Variants in P2RY12 observed in about 807,000 individuals in gnomAD.
P2RY12 encodes P2Y purinoceptor 12.
P2RY12 carries 3 observed loss-of-function variants against 4.5 expected under a neutral mutation model. The observed-to-expected ratio is 0.67, with a 90% CI of 0.31 to 1.74. The LOEUF (loss-of-function observed/expected upper bound fraction) is 1.74. Ranked by LOEUF, P2RY12 falls within the 40% of genes most tolerant of loss-of-function variation. P2RY12 has a pLI of 0.09. For missense variants in P2RY12, 356 were observed against 407.8 expected (o/e 0.87, Z 1.09); for synonymous variants, 148 against 154.1 (o/e 0.96, Z 0.29).
rs183897094 is a variant in P2RY12 at position 151,377,603 on chromosome 3, A to G, written c.-180+7089T>C. On this transcript the variant is annotated intron_variant, in intron 1 of 2. Transcript: ENST00000302632. ...ATCATGAAAGGCTGATTTGTATTTCATCATTTTGGTATAAAGTATAACTAG... is the reference window on the plus strand; with the variant it reads ...ATCATGAAAGGCTGATTTGTATTTCGTCATTTTGGTATAAAGTATAACTAG... Among the ~76,000 whole-genome samples the G allele has an allele frequency of 2.0e-3, 304 of 152,368 alleles. 3 individuals carry two copies. Among genetic ancestry groups the G allele is most frequent in the Admixed American group, 0.019 (289 of 15,310 alleles).
intron 1 of P2RY12, chr3:151,372,584 A>T (rs770738779): frequency 6.2e-7 from 1 of 1,613,794 alleles, no homozygotes; most frequent in Admixed American, 1.7e-5. Flanking sequence ...CAAAATTGGC[A>T]ATAACAGTGT....
intron 1 of P2RY12, among the ~76,000 whole-genome samples, chr3:151,374,547 CAAAGAAAG>C (rs35163871): frequency 6.0e-5 from 9 of 151,000 alleles, no homozygotes; most frequent in Middle Eastern, 3.4e-3. Context: ...GACTCTGTCT[CAAAGAAAG>C]AAAGAAAGAA....
intron 1 of P2RY12, chr3:151,360,605 G>A: frequency 6.2e-7 from 1 of 1,611,456 alleles, no homozygotes. Context: ...GACCTCTTCA[G>A]GTGAGTAGAA....
chr3:151,357,178 C>T, intron 1 of P2RY12: 3 of 1,523,074 alleles, frequency 2.0e-6, no homozygotes, highest in Non-Finnish European at 1.8e-6. Context: ...TGTTTTGGCA[C>T]CTACATGTTT....
chr3:151,338,354 G>A lies in P2RY12; in HGVS notation c.492C>T (p.Asn164=), dbSNP rs746084742. Reference sequence around the variant, plus strand: ...TCACATTCTTGTCTCTCGGCTGCCTGTTGGTCAGAATCATGTTAGGCAAAG... The same window carrying A: ...TCACATTCTTGTCTCTCGGCTGCCTATTGGTCAGAATCATGTTAGGCAAAG... ...LLSLPNMILT[N]RQPRDKNVKK... The change falls in exon 3 of 3, where the codon AAC becomes AAT. Residue 164 remains asparagine, a synonymous_variant. Coordinates refer to ENST00000302632, the MANE Select transcript of P2RY12 (RefSeq NM_022788.5). 1.2e-6 allele frequency: 2 copies of A among 1,614,130 alleles called. No individual in the cohort carries two copies. Among genetic ancestry groups the A allele is most frequent in the South Asian group, 1.1e-5 (1 of 91,084 alleles).
intron 1 of P2RY12, chr3:151,368,106 C>A: frequency 6.8e-7 from 1 of 1,474,182 alleles, no homozygotes; most frequent in Non-Finnish European, 9.5e-7. Flanking sequence ...GGACTTGTTC[C>A]CAAGTGTGTT....
intron 1 of P2RY12, chr3:151,360,560 A>T (rs1463752616): frequency 6.2e-7 from 1 of 1,612,796 alleles, no homozygotes; most frequent in East Asian, 2.2e-5. Flanking sequence ...TATGATCTCT[A>T]TGTGTCATGT....
chr3:151,377,224 A>C (rs1577496134), intron 1 of P2RY12: 1 of 1,517,064 alleles, frequency 6.6e-7, no homozygotes, highest in East Asian at 2.3e-5. Flanking sequence ...ATTTTTCACA[A>C]GTAACGGTAA....
At chr3:151,352,069 C>A (rs960353749) in intron 1 of P2RY12, among the ~76,000 whole-genome samples, 1 of 152,126 alleles carries the variant, frequency 6.6e-6, no homozygotes, top group African/African-American at 2.4e-5. Context: ...AATGAGAAAT[C>A]TTGGGGATGA....
chr3:151,357,242 T>C, intron 1 of P2RY12: 2 of 1,612,904 alleles, frequency 1.2e-6, no homozygotes, highest in Non-Finnish European at 1.7e-6. Context: ...TTGTGGAAGC[T>C]GAACTGCTCC....
rs370946666 is a variant in P2RY12 at position 151,357,399 on chromosome 3, T to A, written c.-179-16639A>T. 1.2e-5 allele frequency: 18 copies of A among 1,541,694 alleles called. No individual in the cohort carries two copies. The African/African-American group carries it at 2.3e-4, about 20-fold the overall frequency. ...AGGGTTGGTATATAGCATGTCATTG[T>A]TGTTTTTCCAATCTCAGAATGTATA... On this transcript the variant is annotated intron_variant, in intron 1 of 2. Transcript: ENST00000302632.
At position 151,351,554 on chromosome 3, in the gene P2RY12, G is replaced by T. The variant is rs559486008; in HGVS notation, c.-179-10794C>A. Among the ~76,000 whole-genome samples the T allele has an allele frequency of 3.9e-5, 6 of 152,284 alleles. No individual in the cohort carries two copies. The South Asian group carries it at 1.2e-3, about 32-fold the overall frequency. ...TGTCTAAGAAAACTGTTTATCTGTT[G>T]TTTTGGTGTTTTCTCTGTCTTAGAG... On this transcript the variant is annotated intron_variant, in intron 1 of 2. Transcript: ENST00000302632.
chr3:151,365,279 C>A, intron 1 of P2RY12: 3 of 1,254,860 alleles, frequency 2.4e-6, no homozygotes, highest in Admixed American at 1.7e-5. Context: ...AAATTGATGT[C>A]GTTAGTAAGT....
At chr3:151,345,210 C>T (rs1430920641) in intron 1 of P2RY12, among the ~76,000 whole-genome samples, 1 of 152,168 alleles carries the variant, frequency 6.6e-6, no homozygotes, top group African/African-American at 2.4e-5. Flanking sequence ...AATTCAATAG[C>T]AGCAGGTGGA....
intron 1 of P2RY12, among the ~76,000 whole-genome samples, chr3:151,375,584 A>ATTATTCATAGAAAACG (rs1290858873): frequency 6.6e-6 from 1 of 152,198 alleles, no homozygotes; most frequent in East Asian, 1.9e-4. Flanking sequence ...TAATAGTATC[A>ATTATTCATAGAAAACG]AAAAGGAAGA....
At chr3:151,367,852 T>A in intron 1 of P2RY12, 1 of 1,428,144 alleles carries the variant, frequency 7.0e-7, no homozygotes, top group Non-Finnish European at 9.6e-7. Context: ...GGGAAAGGAG[T>A]ATTTGAGGGT....
chr3:151,382,845 G>A (rs1044213374), intron 1 of P2RY12: 18 of 850,634 alleles, frequency 2.1e-5, no homozygotes, highest in Non-Finnish European at 3.2e-5. Flanking sequence ...TGCATTACAA[G>A]GTGAGGCCTT....
At chr3:151,355,251 A>G (rs773468755) in intron 1 of P2RY12, 18 of 1,573,172 alleles carry the variant, frequency 1.1e-5, no homozygotes, top group Non-Finnish European at 1.6e-5. Context: ...TAGCTATTTA[A>G]AGCTGTTTAT....
Position 151,337,691 on chromosome 3 carries a change from TTC to T in P2RY12, c.*124_*125del, listed in dbSNP as rs1751193365. The T allele has an allele frequency of 1.0e-6, 1 of 961,286 alleles. No homozygotes were observed. The highest frequency in any genetic ancestry group is 1.5e-6 in the Non-Finnish European group (1 of 648,668). The allele number at this position is 961,286 out of a possible 1,614,324, so 59.5% of individuals were successfully genotyped here. On this transcript the variant is annotated 3_prime_UTR_variant, in exon 3 of 3. Transcript: ENST00000302632. The stretch of plus-strand genomic sequence containing the variant: ...GTAAATGAAAATTGCTTTTGTAATC[TTC>T]TGTTTCTTTAGAGTCATTATTATTA...
Sources: gnomAD v4.1 joint callset for allele counts (sites outside exome capture counted in the v4.1 genomes callset) on GRCh38, gnomAD v4.1.1 for gene constraint, MANE v1.5 for transcripts, NCBI Gene and HGNC (gene_info 2026-07-23, HGNC 2026-07-21) for gene names.